The following C12orf42 variants were observed in gnomAD, a reference collection of about 807,000 sequenced individuals.
C12orf42 encodes the protein chromosome 12 open reading frame 42.
A neutral mutation model predicts 21.6 loss-of-function variants in C12orf42; 25 were observed. That is an observed-to-expected ratio of 1.16 (90% CI 0.84 to 1.62). The LOEUF (loss-of-function observed/expected upper bound fraction) is 1.62, where lower values mean the gene tolerates loss of function less well. Among genes scored for constraint, C12orf42 ranks in the 40% most tolerant of loss-of-function variants. C12orf42 has a pLI of 0.00. For synonymous variants in C12orf42, 174 were observed against 175.0 expected, an observed-to-expected ratio of 0.99 and a Z score of 0.05; for missense variants, 483 against 459.3, an observed-to-expected ratio of 1.05 and a Z score of -0.47.
chr12:103,454,037 G>A (rs1952128233), intron 2 of C12orf42, among the ~76,000 whole-genome samples: 1 of 152,014 alleles, frequency 6.6e-6, no homozygotes, highest in Admixed American at 6.6e-5. Flanking sequence ...ACCTTTTGTA[G>A]CCACAGTCCA....
the C12orf42 span, among the ~76,000 whole-genome samples, chr12:103,501,474 TAGTG>T: frequency 6.6e-6 from 1 of 152,174 alleles, no homozygotes; most frequent in South Asian, 2.1e-4. Context: ...CTCATGATGT[TAGTG>T]AGCGCAGAGT....
Position 103,457,708 on chromosome 12 carries a change from C to T in C12orf42, c.78+20641G>A, listed in dbSNP as rs60482730. On this transcript the variant is annotated intron_variant, in intron 2 of 5. Coordinates refer to ENST00000548883, the MANE Select transcript of C12orf42 (RefSeq NM_198521.5). ...GTAACAGATGTTCAAAAACAGGGAC[C>T]TACAATTTTGTATTAAACTGTTTTT... is the stretch of plus-strand genomic sequence containing the variant. Among the ~76,000 whole-genome samples, 397 of 152,272 alleles carry T rather than the reference C, an allele frequency of 2.6e-3. 2 individuals carry two copies. The highest frequency in any genetic ancestry group is 8.8e-3 in the African/African-American group (365 of 41,548).
chr12:103,133,391 C>CA, the C12orf42 span, among the ~76,000 whole-genome samples: 1 of 152,096 alleles, frequency 6.6e-6, no homozygotes, highest in Non-Finnish European at 1.5e-5. Context: ...GCCAGGAGCC[C>CA]AAAAATCTAT....
chr12:103,306,461 G>A lies in C12orf42; in HGVS notation c.260-116C>T. ...CTTTTGGTTGTTTTGTGTTTCTACT[G>A]TGAGTAAACAAAAATGACAGACTAG... On this transcript the variant is annotated intron_variant, in intron 4 of 5. Coordinates refer to ENST00000548883, the MANE Select transcript of C12orf42 (RefSeq NM_198521.5). The A allele has an allele frequency of 3.2e-6, 4 of 1,243,626 alleles. No homozygotes were observed. The East Asian group carries it at 1.0e-4, about 32-fold the overall frequency. 77.0% of individuals were successfully genotyped at this position (1,243,626 alleles called of 1,614,324 possible). A position where few individuals can be genotyped will look rare whatever the true frequency, so the allele number is the denominator to read the frequency against.
At chr12:103,227,656 G>A in the C12orf42 span, among the ~76,000 whole-genome samples, 3,379 of 152,178 alleles carry the variant, frequency 0.022, 355 homozygotes, top group East Asian at 0.32. Context: ...AGAAAAGCGG[G>A]ACTTGCCGCT....
At chr12:103,332,973 G>A (rs765932350) in intron 4 of C12orf42, among the ~76,000 whole-genome samples, 1 of 152,136 alleles carries the variant, frequency 6.6e-6, no homozygotes, top group Admixed American at 6.5e-5. Context: ...CGAAGGCTTA[G>A]CAGACAAAGA....
At chr12:103,321,114 A>T (rs2040051980) in intron 4 of C12orf42, among the ~76,000 whole-genome samples, 1 of 152,158 alleles carries the variant, frequency 6.6e-6, no homozygotes, top group African/African-American at 2.4e-5. Flanking sequence ...CAACCTACTC[A>T]TCTGACAAAG....
the C12orf42 span, among the ~76,000 whole-genome samples, chr12:103,555,594 A>G: frequency 2.0e-5 from 3 of 152,180 alleles, no homozygotes; most frequent in East Asian, 5.8e-4. Context: ...AGTAGCTCTG[A>G]TACAAAGCAG....
chr12:103,215,114 C>A, the C12orf42 span, among the ~76,000 whole-genome samples: 1 of 151,984 alleles, frequency 6.6e-6, no homozygotes. Flanking sequence ...TCCCAAAAGA[C>A]AAAGGGGGAA....
the C12orf42 span, among the ~76,000 whole-genome samples, chr12:103,145,957 A>G: frequency 1.3e-5 from 2 of 151,872 alleles, no homozygotes; most frequent in Non-Finnish European, 2.9e-5. Context: ...ATATATATAG[A>G]GAGAGAGAGA....
chr12:103,108,183 C>A, the C12orf42 span, among the ~76,000 whole-genome samples: 12 of 151,196 alleles, frequency 7.9e-5, no homozygotes, highest in African/African-American at 1.2e-4. Flanking sequence ...TCCAAAATTT[C>A]TTTGTTATAA....
chr12:103,536,885 C>G, the C12orf42 span, among the ~76,000 whole-genome samples: 20 of 152,138 alleles, frequency 1.3e-4, no homozygotes, highest in Non-Finnish European at 2.8e-4. Flanking sequence ...TCCTATCCCC[C>G]TTTTTTATTT....
chr12:103,454,817 G>A (rs1361325874), intron 2 of C12orf42, among the ~76,000 whole-genome samples: 1 of 151,990 alleles, frequency 6.6e-6, no homozygotes, highest in Non-Finnish European at 1.5e-5. Flanking sequence ...TCTTCTTTGT[G>A]TTCACAGCAT....
intron 2 of C12orf42, among the ~76,000 whole-genome samples, chr12:103,452,501 G>A (rs920939965): frequency 1.3e-5 from 2 of 152,068 alleles, no homozygotes; most frequent in African/African-American, 2.4e-5. Flanking sequence ...ATTAGAAAAG[G>A]AAATATTTTC....
intron 4 of C12orf42, among the ~76,000 whole-genome samples, chr12:103,346,977 T>C (rs2042675726): frequency 6.6e-6 from 1 of 152,220 alleles, no homozygotes; most frequent in East Asian, 1.9e-4. Flanking sequence ...GTGAGAAATA[T>C]GGAACAGCTT....
intron 2 of C12orf42, among the ~76,000 whole-genome samples, chr12:103,463,017 C>T (rs1952843410): frequency 1.3e-5 from 2 of 152,144 alleles, no homozygotes; most frequent in African/African-American, 4.8e-5. Context: ...CCTCAGTTTC[C>T]GCTGTATTAA....
the C12orf42 span, among the ~76,000 whole-genome samples, chr12:103,194,475 G>A: frequency 6.6e-6 from 1 of 152,012 alleles, no homozygotes. Context: ...CATATTTTTA[G>A]GAAACAAAAT....
intron 2 of C12orf42, among the ~76,000 whole-genome samples, chr12:103,425,218 T>C (rs1239301252): frequency 2.0e-5 from 3 of 152,144 alleles, no homozygotes; most frequent in Non-Finnish European, 4.4e-5. Flanking sequence ...CCCATCTCCC[T>C]GGGACAGAGC....
chr12:103,505,678 G>C, the C12orf42 span: 3 of 238,684 alleles, frequency 1.3e-5, no homozygotes, highest in Admixed American at 6.4e-5. Flanking sequence ...CAGGGATGCA[G>C]GGCTCAAGGC....
Sources: gnomAD v4.1 joint callset for allele counts (sites outside exome capture counted in the v4.1 genomes callset) on GRCh38, gnomAD v4.1.1 for gene constraint, MANE v1.5 for transcripts, NCBI Gene and HGNC (gene_info 2026-07-23, HGNC 2026-07-21) for gene names.